Variants in CEP63 observed in about 807,000 individuals in gnomAD.
The protein encoded by CEP63 is centrosomal protein 63, also known as centrosomal protein of 63 kDa.
A neutral mutation model predicts 89.1 loss-of-function variants in CEP63; 84 were observed. That is an observed-to-expected ratio of 0.94 (90% CI 0.79 to 1.13). The LOEUF is 1.13. Ranked by LOEUF, CEP63 falls within the 50% of genes most tolerant of loss-of-function variation. CEP63 has a pLI of 0.00. For missense variants in CEP63, 838 were observed against 813.3 expected, an observed-to-expected ratio of 1.03 and a Z score of -0.37; for synonymous variants, 267 against 272.5, an observed-to-expected ratio of 0.98 and a Z score of 0.20.
intron 3 of CEP63, among the ~76,000 whole-genome samples, chr3:134,522,497 G>A (rs1344943549): frequency 3.9e-5 from 6 of 152,056 alleles, no homozygotes; most frequent in East Asian, 1.9e-4. Flanking sequence ...AAATTCAGGG[G>A]TACATGTGTA....
chr3:134,558,094 C>G (rs995980130), intron 12 of CEP63, 48 bp from the exon 13 acceptor site: 2 of 1,461,968 alleles, frequency 1.4e-6, no homozygotes, highest in South Asian at 1.1e-5. Flanking sequence ...TCACAGATCA[C>G]AGGTATTCTT....
At chr3:134,514,375 A>C (rs1298091614) in intron 3 of CEP63, among the ~76,000 whole-genome samples, 1 of 152,180 alleles carries the variant, frequency 6.6e-6, no homozygotes, top group Non-Finnish European at 1.5e-5. Flanking sequence ...GGAATCCCTG[A>C]AGGAGAAAAA....
chr3:134,621,425 T>G, the CEP63 span, among the ~76,000 whole-genome samples: 1 of 152,234 alleles, frequency 6.6e-6, no homozygotes, highest in Non-Finnish European at 1.5e-5. Flanking sequence ...TATCTACGGT[T>G]AGTGGATCTT....
chr3:134,716,096 T>A, the CEP63 span, among the ~76,000 whole-genome samples: 2 of 152,194 alleles, frequency 1.3e-5, no homozygotes, highest in Non-Finnish European at 2.9e-5. Context: ...TCAATTTATG[T>A]TCCTTTAAAT....
the CEP63 span, among the ~76,000 whole-genome samples, chr3:134,740,576 C>T: frequency 6.6e-6 from 1 of 152,112 alleles, no homozygotes; most frequent in Non-Finnish European, 1.5e-5. Flanking sequence ...GGATTACAGG[C>T]GTGAGCCACC....
chr3:134,594,316 T>G, the CEP63 span, among the ~76,000 whole-genome samples: 2 of 152,178 alleles, frequency 1.3e-5, no homozygotes, highest in African/African-American at 2.4e-5. Flanking sequence ...TCTGCCCTCA[T>G]GCCACCAGCC....
At chr3:134,610,949 G>A in the CEP63 span, among the ~76,000 whole-genome samples, 1 of 152,184 alleles carries the variant, frequency 6.6e-6, no homozygotes, top group Admixed American at 6.5e-5. Flanking sequence ...TTCCTCCCAA[G>A]GATGCCTGCA....
chr3:134,643,302 G>A, the CEP63 span: 33 of 1,613,148 alleles, frequency 2.0e-5, no homozygotes, highest in African/African-American at 5.3e-5. Context: ...CACGGCTAGC[G>A]GCGAATCACT....
the CEP63 span, among the ~76,000 whole-genome samples, chr3:134,697,049 A>G: frequency 3.3e-5 from 5 of 152,232 alleles, no homozygotes; most frequent in Non-Finnish European, 1.5e-5. Flanking sequence ...CTTTGACACA[A>G]TAGAACCTGT....
At chr3:134,565,316 A>G (rs539440553), downstream of CEP63, among the ~76,000 whole-genome samples, 90 of 152,194 alleles carry the variant, frequency 5.9e-4, no homozygotes, top group African/African-American at 2.1e-3. Flanking sequence ...AAATACTACA[A>G]CACTCTGTTT....
the CEP63 span, among the ~76,000 whole-genome samples, chr3:134,778,513 A>G: frequency 6.6e-6 from 1 of 152,000 alleles, no homozygotes; most frequent in Non-Finnish European, 1.5e-5. Flanking sequence ...AGTAGCATCT[A>G]GGTTATTCTC....
At position 134,521,707 on chromosome 3, in the gene CEP63, C is replaced by T. The variant is rs188867147; in HGVS notation, c.223-10138C>T. 2.7e-4 allele frequency among the ~76,000 whole-genome samples: 41 copies of T among 152,254 alleles called. 1 individual carries two copies. Among genetic ancestry groups the T allele is most frequent in the African/African-American group, 9.9e-4 (41 of 41,564 alleles). On this transcript the variant is annotated intron_variant, in intron 3 of 14. Transcript: ENST00000675561. The stretch of plus-strand genomic sequence containing the variant: ...ATCTTAGTCTTGTTACCTTCATTAA[C>T]AGCTAATATTCTCACTTCTGTTTAA...
At chr3:134,757,278 T>C in the CEP63 span, among the ~76,000 whole-genome samples, 1,228 of 152,264 alleles carry the variant, frequency 8.1e-3, 13 homozygotes, top group African/African-American at 0.028. Flanking sequence ...ATCAGGGTTT[T>C]GTTAAGGAGT....
chr3:134,585,637 G>A (rs1362995396), intron 10 of CEP63, among the ~76,000 whole-genome samples: 1 of 152,174 alleles, frequency 6.6e-6, no homozygotes, highest in Non-Finnish European at 1.5e-5. Flanking sequence ...TAGAATAAGT[G>A]CGATGTGGTG....
At chr3:134,659,187 G>T in the CEP63 span, among the ~76,000 whole-genome samples, 1 of 152,140 alleles carries the variant, frequency 6.6e-6, no homozygotes, top group African/African-American at 2.4e-5. Flanking sequence ...CCTGGGCAAT[G>T]CCAAGAGAGG....
chr3:134,525,268 CTCT>C (rs551162294), intron 3 of CEP63, among the ~76,000 whole-genome samples: 109 of 152,186 alleles, frequency 7.2e-4, no homozygotes, highest in Middle Eastern at 3.4e-3. Flanking sequence ...TGAGTCTCCT[CTCT>C]TCTTTATTAG....
the CEP63 span, among the ~76,000 whole-genome samples, chr3:134,776,944 T>A: frequency 6.6e-6 from 1 of 152,190 alleles, no homozygotes; most frequent in Non-Finnish European, 1.5e-5. Context: ...TTTTTGGGGA[T>A]CCAGGACTGC....
At chr3:134,628,248 G>A in the CEP63 span, 1 of 180,466 alleles carries the variant, frequency 5.5e-6, no homozygotes, top group Admixed American at 5.5e-5. Context: ...TCGTGTGAAG[G>A]TCAAAACCTA....
intron 6 of CEP63, among the ~76,000 whole-genome samples, chr3:134,539,225 A>G (rs991597389): frequency 3.9e-5 from 6 of 152,154 alleles, no homozygotes; most frequent in Admixed American, 6.5e-5. Context: ...CATCTTGTCA[A>G]TCTTTATTTT....
Sources: allele counts gnomAD v4.1 joint callset (sites outside exome capture counted in the v4.1 genomes callset), GRCh38; gene constraint gnomAD v4.1.1; transcripts MANE v1.5; gene names NCBI Gene and HGNC (gene_info 2026-07-23, HGNC 2026-07-21).